The following SLC23A2 variants were observed in gnomAD, a reference collection of about 807,000 sequenced individuals.
The protein encoded by SLC23A2 is Na(+)/L-ascorbic acid transporter 2.
In SLC23A2, 36 loss-of-function variants were observed where a neutral mutation model predicts 73.3. The observed-to-expected ratio is 0.49, with a 90% CI of 0.38 to 0.65. SLC23A2 has a LOEUF of 0.65. SLC23A2 is among the 30% of genes least tolerant of loss of function. The pLI is 0.00. For missense variants in SLC23A2, 507 were observed against 841.6 expected, an observed-to-expected ratio of 0.60 and a Z score of 4.92; for synonymous variants, 343 against 327.3, an observed-to-expected ratio of 1.05 and a Z score of -0.52.
intron 13 of SLC23A2, among the ~76,000 whole-genome samples, 191 bp downstream of exon 13, chr20:4,867,579 G>T (rs933447633): frequency 1.4e-5 from 2 of 146,272 alleles, no homozygotes; most frequent in Admixed American, 1.4e-4. Context: ...CTCCCTACCC[G>T]GACCAGCAAG....
In SLC23A2 at chr20:4,868,821, G is replaced by C. The variant is rs902144328; in HGVS notation, c.1251-946C>G. On this transcript the variant is annotated intron_variant, in intron 12 of 16. Transcript: ENST00000338244. This position sits in a 1 kb window ranked among gnomAD's most constrained non-coding sequence, Gnocchi z 4.4. ...TTTCTTTTCTCTGCAGACTCCTCAG[G>C]GGCAATCATCTGACAACTTCTAAAA... Among the ~76,000 whole-genome samples the C allele has an allele frequency of 6.6e-6, 1 of 152,054 alleles. No homozygotes were observed. The highest frequency in any genetic ancestry group is 1.5e-5 in the Non-Finnish European group (1 of 68,006).
intron 6 of SLC23A2, among the ~76,000 whole-genome samples, chr20:4,895,454 A>G (rs1600108569): frequency 6.6e-6 from 1 of 152,388 alleles, no homozygotes; most frequent in East Asian, 1.9e-4. Flanking sequence ...CAGAACTAAA[A>G]GTCTAAAATA....
At chr20:4,949,438 G>T (rs2087166048) in intron 2 of SLC23A2, among the ~76,000 whole-genome samples, 1 of 152,024 alleles carries the variant, frequency 6.6e-6, no homozygotes, top group Non-Finnish European at 1.5e-5. Context: ...GAAAAACACA[G>T]AAATTTTACT....
intron 1 of SLC23A2, among the ~76,000 whole-genome samples, chr20:4,971,516 C>T (rs2087560072): frequency 6.6e-6 from 1 of 150,518 alleles, no homozygotes; most frequent in Non-Finnish European, 1.5e-5. Context: ...AATTTTGGGC[C>T]AGGCACGGTG....
chr20:4,931,467 A>C (rs1932789966), intron 3 of SLC23A2, among the ~76,000 whole-genome samples: 1 of 152,168 alleles, frequency 6.6e-6, no homozygotes. Context: ...AATAATAACT[A>C]ATCTTGAAAC....
chr20:4,980,066 AG>A (rs1281508507), intron 1 of SLC23A2, among the ~76,000 whole-genome samples: 1 of 152,244 alleles, frequency 6.6e-6, no homozygotes, highest in Admixed American at 6.5e-5. Flanking sequence ...ATCAAAGAAA[AG>A]CAAAATAAAC....
intron 2 of SLC23A2, among the ~76,000 whole-genome samples, chr20:4,946,917 T>C (rs958806734): frequency 1.3e-5 from 2 of 152,218 alleles, no homozygotes; most frequent in Non-Finnish European, 2.9e-5. Flanking sequence ...AAACAGATGC[T>C]ACAGCGCCTA....
chr20:4,859,482 A>G, intron 15 of SLC23A2, 98 bp from the exon 16 acceptor site: 1 of 780,790 alleles, frequency 1.3e-6, no homozygotes, highest in Non-Finnish European at 2.3e-6. Flanking sequence ...AACTCCGCCA[A>G]TCAAAGCAGG....
intron 9 of SLC23A2, among the ~76,000 whole-genome samples, chr20:4,875,713 C>T (rs1930629014): frequency 6.6e-6 from 1 of 152,186 alleles, no homozygotes; most frequent in African/African-American, 2.4e-5. Flanking sequence ...CTTCCCATCC[C>T]CCAGGTGGAT....
chr20:4,954,941 C>G (rs939865994), intron 2 of SLC23A2, among the ~76,000 whole-genome samples: 1 of 151,966 alleles, frequency 6.6e-6, no homozygotes, highest in African/African-American at 2.4e-5. Context: ...TCCGGAAGTT[C>G]TAGCCAGGAC....
In SLC23A2 at chr20:4,859,243, T is replaced by TAAAA. The variant is rs781271986; in HGVS notation, c.1720+45_1720+46insTTTT. 7.8e-4 allele frequency: 839 copies of TAAAA among 1,075,114 alleles called. 33 individuals are homozygous for TAAAA. Among genetic ancestry groups the TAAAA allele is most frequent in the South Asian group, 1.5e-3 (108 of 70,004 alleles). The allele number at this position is 1,075,114 out of a possible 1,614,324, so 66.6% of individuals were successfully genotyped here. ...TTTGGCAAAAAAAGTAACACATATG[T>TAAAA]TAAAAAATAAAAAAAAAAAAAGTGT... On this transcript the variant is annotated intron_variant, in intron 16 of 16. Coordinates refer to ENST00000338244, the MANE Select transcript of SLC23A2 (RefSeq NM_005116.6).
intron 13 of SLC23A2, among the ~76,000 whole-genome samples, chr20:4,865,885 T>G (rs1930174236): frequency 6.6e-6 from 1 of 152,130 alleles, no homozygotes; most frequent in African/African-American, 2.4e-5. Flanking sequence ...CAGGCTGGAG[T>G]GCAGTGGCAT....
At chr20:4,976,189 T>A (rs2087642703) in intron 1 of SLC23A2, among the ~76,000 whole-genome samples, 1 of 151,968 alleles carries the variant, frequency 6.6e-6, no homozygotes, top group South Asian at 2.1e-4. Context: ...TTACTTTGCT[T>A]TTTCTTTTTG....
chr20:4,902,593 A>G lies in SLC23A2; in HGVS notation c.208-35T>C, dbSNP rs1351771781. On this transcript the variant is annotated intron_variant, in intron 4 of 16. Coordinates refer to ENST00000338244, the MANE Select transcript of SLC23A2 (RefSeq NM_005116.6). The surrounding 1 kb of genome is among the most constrained non-coding windows in gnomAD (Gnocchi z 4.0). ...AGAAGGAGAAAAGAAGGTGCTCATT[A>G]AACGTGAAGACCAGTGTTAGCTCGG... 1 of 1,243,308 alleles carries G rather than the reference A, an allele frequency of 8.0e-7. No individual in the cohort carries two copies. Among genetic ancestry groups the G allele is most frequent in the Admixed American group, 1.9e-5 (1 of 53,946 alleles). The allele number at this position is 1,243,308 out of a possible 1,614,324, so 77.0% of individuals were successfully genotyped here. A position where few individuals can be genotyped will look rare whatever the true frequency, so the allele number is the denominator to read the frequency against.
Position 4,932,579 on chromosome 20 carries a change from T to A in SLC23A2, c.-17A>T. The A allele has an allele frequency of 7.5e-7, 1 of 1,338,498 alleles. No individual in the cohort carries two copies. The highest frequency in any genetic ancestry group is 1.1e-6 in the Non-Finnish European group (1 of 928,160). The allele number at this position is 1,338,498 out of a possible 1,614,324, so 82.9% of individuals were successfully genotyped here. A position where few individuals can be genotyped will look rare whatever the true frequency, so the allele number is the denominator to read the frequency against. On this transcript the variant is annotated 5_prime_UTR_variant, in exon 3 of 17. Coordinates refer to ENST00000338244, the MANE Select transcript of SLC23A2 (RefSeq NM_005116.6). ...ACCCATCATTAAGAGAAACGAGTAG[T>A]TTACACAGCCGTTGGGGAGAGCAGC... is the stretch of plus-strand genomic sequence containing the variant.
chr20:4,995,007 T>C (rs1183137741), intron 1 of SLC23A2, among the ~76,000 whole-genome samples: 1 of 152,068 alleles, frequency 6.6e-6, no homozygotes, highest in Admixed American at 6.6e-5. Flanking sequence ...ACAGCAGTGC[T>C]TTCGGTCTGA....
chr20:4,874,191 C>T lies in SLC23A2; in HGVS notation c.946-99G>A, dbSNP rs1357159554. 3.5e-6 allele frequency: 4 copies of T among 1,127,080 alleles called. No individual in the cohort carries two copies. The African/African-American group carries it at 4.9e-5, about 14-fold the overall frequency. The allele number at this position is 1,127,080 out of a possible 1,614,324, so 69.8% of individuals were successfully genotyped here. ...GGTCGGAATATCACACCCCAGAGCCCACCACAGTCAGTACTTTGCAGACCT... is the reference window on the plus strand; with the variant it reads ...GGTCGGAATATCACACCCCAGAGCCTACCACAGTCAGTACTTTGCAGACCT... On this transcript the variant is annotated intron_variant, in intron 10 of 16. Transcript: ENST00000338244.
chr20:4,857,015 T>C lies in SLC23A2; in HGVS notation c.1910A>G (p.Asp637Gly). ...GYTWKGLRKS[D>G]NSRSSDEDSQ... ...GTCTTCATCTGAACTCCGGCTGTTGTCGCTCTTCCTGAGGCCTTTCCATGT... is the reference window on the plus strand; with the variant it reads ...GTCTTCATCTGAACTCCGGCTGTTGCCGCTCTTCCTGAGGCCTTTCCATGT... The change falls in exon 17 of 17, where the codon GAC (aspartate) becomes GGC (glycine). Residue 637 changes from aspartate (D) to glycine (G), a missense_variant. Coordinates refer to ENST00000338244, the MANE Select transcript of SLC23A2 (RefSeq NM_005116.6). This position sits in a 1 kb window ranked among gnomAD's most constrained non-coding sequence, Gnocchi z 4.0. 1 of 1,614,196 alleles carries C rather than the reference T, an allele frequency of 6.2e-7. No homozygotes were observed.
chr20:4,952,674 G>T (rs757041398), intron 2 of SLC23A2, among the ~76,000 whole-genome samples: 1 of 152,158 alleles, frequency 6.6e-6, no homozygotes, highest in Non-Finnish European at 1.5e-5. Context: ...TGTAAACCTG[G>T]TTATAAAACG....
Sources: allele counts gnomAD v4.1 joint callset (sites outside exome capture counted in the v4.1 genomes callset), GRCh38; gene constraint gnomAD v4.1.1; non-coding constraint Gnocchi (gnomAD v3.1); transcripts MANE v1.5; gene names NCBI Gene and HGNC (gene_info 2026-07-23, HGNC 2026-07-21).